Variants in DOCK3 observed in about 807,000 individuals in gnomAD.
DOCK3 encodes dedicator of cytokinesis 3.
DOCK3 carries 60 observed loss-of-function variants against 265.6 expected under a neutral mutation model. The ratio of observed to expected loss-of-function variants is 0.23; its 90% CI spans 0.18 to 0.28. The LOEUF (loss-of-function observed/expected upper bound fraction) is 0.28, where lower values mean the gene tolerates loss of function less well. Ranked by LOEUF, DOCK3 falls within the 10% of genes least tolerant of loss-of-function variation. DOCK3 has a pLI of 1.00. For synonymous variants in DOCK3, 881 were observed against 938.0 expected, an observed-to-expected ratio of 0.94 and a Z score of 1.11; for missense variants, 1,981 against 2,594.3, an observed-to-expected ratio of 0.76 and a Z score of 5.14.
At chr3:51,252,609 A>G (rs1401132057) in intron 22 of DOCK3, among the ~76,000 whole-genome samples, 1 of 152,116 alleles carries the variant, frequency 6.6e-6, no homozygotes, top group Non-Finnish European at 1.5e-5. Flanking sequence ...TAAGTATTTT[A>G]TTCTCTTTGA....
chr3:51,274,641 G>A (rs926381263), intron 24 of DOCK3, among the ~76,000 whole-genome samples: 9 of 151,958 alleles, frequency 5.9e-5, no homozygotes, highest in African/African-American at 1.9e-4. Context: ...TCCGAGTGTG[G>A]TGCCATACAC....
intron 3 of DOCK3, among the ~76,000 whole-genome samples, chr3:50,865,512 A>G (rs1319969388): frequency 6.6e-6 from 1 of 152,210 alleles, no homozygotes; most frequent in Non-Finnish European, 1.5e-5. Context: ...ATAGTACTCC[A>G]TTGTATATGT....
At chr3:51,174,528 C>G (rs199624299) in intron 12 of DOCK3, among the ~76,000 whole-genome samples, 1 of 144,294 alleles carries the variant, frequency 6.9e-6, no homozygotes, top group African/African-American at 2.6e-5. Flanking sequence ...TGCATTATTT[C>G]CTGATTTCTT....
At chr3:50,905,392 G>GA (rs2049433339) in intron 4 of DOCK3, among the ~76,000 whole-genome samples, 1 of 152,098 alleles carries the variant, frequency 6.6e-6, no homozygotes, top group South Asian at 2.1e-4. Flanking sequence ...TCCTATCCAT[G>GA]AGCATGGAAT....
chr3:50,885,729 G>T (rs1198205807), intron 3 of DOCK3, among the ~76,000 whole-genome samples: 3 of 152,166 alleles, frequency 2.0e-5, no homozygotes, highest in Admixed American at 2.0e-4. Context: ...TTACCTACTG[G>T]AGTAGAAGGT....
At chr3:50,729,703 A>G (rs558216604) in intron 1 of DOCK3, among the ~76,000 whole-genome samples, 1 of 151,996 alleles carries the variant, frequency 6.6e-6, no homozygotes, top group African/African-American at 2.4e-5. Flanking sequence ...ATTTTTTTTT[A>G]ATAGATGGGA....
At chr3:51,012,439 C>T (rs2078990033) in intron 5 of DOCK3, among the ~76,000 whole-genome samples, 2 of 152,182 alleles carry the variant, frequency 1.3e-5, no homozygotes, top group South Asian at 2.1e-4. Flanking sequence ...GTGTGGGACC[C>T]TCCAAGCCAG....
intron 1 of DOCK3, among the ~76,000 whole-genome samples, chr3:50,746,183 C>T (rs1386233997): frequency 6.8e-6 from 1 of 147,718 alleles, no homozygotes; most frequent in African/African-American, 2.5e-5. Context: ...AATCTCGGCT[C>T]ACTGCAACCT....
chr3:50,918,800 A>G (rs2050273517), intron 4 of DOCK3, among the ~76,000 whole-genome samples: 2 of 152,298 alleles, frequency 1.3e-5, no homozygotes, highest in South Asian at 2.1e-4. Context: ...TTTTATTGCC[A>G]TTGCTTTTGG....
At chr3:50,918,768 G>C (rs1348667860) in intron 4 of DOCK3, among the ~76,000 whole-genome samples, 1 of 152,136 alleles carries the variant, frequency 6.6e-6, no homozygotes, top group Admixed American at 6.5e-5. Context: ...AGTTTAATTA[G>C]ATCCCATTTG....
intron 9 of DOCK3, among the ~76,000 whole-genome samples, chr3:51,116,663 G>T (rs2109901605): frequency 6.6e-6 from 1 of 152,144 alleles, no homozygotes; most frequent in Admixed American, 6.5e-5. Context: ...AGTTCTCCTT[G>T]TAGAGGTCCT....
At chr3:51,026,623 T>A (rs976587666) in intron 5 of DOCK3, among the ~76,000 whole-genome samples, 1 of 152,112 alleles carries the variant, frequency 6.6e-6, no homozygotes, top group Non-Finnish European at 1.5e-5. Context: ...AAGGCTTTTG[T>A]TGGTTGCTAG....
At chr3:51,373,178 A>T (rs1293677210) in intron 49 of DOCK3, among the ~76,000 whole-genome samples, 1 of 152,192 alleles carries the variant, frequency 6.6e-6, no homozygotes, top group Non-Finnish European at 1.5e-5. Context: ...AAGCTGGCTG[A>T]AGAAGACGTA....
intron 19 of DOCK3, among the ~76,000 whole-genome samples, chr3:51,231,706 G>C (rs886501168): frequency 6.6e-6 from 1 of 152,200 alleles, no homozygotes; most frequent in East Asian, 1.9e-4. Context: ...CATTCTGTAG[G>C]TTGTCTGTTT....
intron 19 of DOCK3, among the ~76,000 whole-genome samples, chr3:51,236,053 T>TA (rs1280947651): frequency 2.6e-5 from 4 of 152,226 alleles, no homozygotes; most frequent in African/African-American, 9.6e-5. Context: ...ATAGGTGTCC[T>TA]ATGGTTTTTA....
intron 4 of DOCK3, among the ~76,000 whole-genome samples, chr3:50,923,674 T>C (rs1278355956): frequency 6.6e-6 from 1 of 152,226 alleles, no homozygotes; most frequent in East Asian, 1.9e-4. Context: ...GAATAATATA[T>C]TATGGACATT....
chr3:51,323,532 A>G (rs1008397919), intron 32 of DOCK3, among the ~76,000 whole-genome samples: 9 of 152,174 alleles, frequency 5.9e-5, no homozygotes, highest in Non-Finnish European at 2.9e-5. Context: ...TAAGAAACTC[A>G]CTCAAAACCG....
chr3:50,927,860 A>G (rs34284887), intron 4 of DOCK3, among the ~76,000 whole-genome samples: 2,856 of 152,228 alleles, frequency 0.019, 49 homozygotes, highest in Non-Finnish European at 0.027. Flanking sequence ...AGAAGGAAAA[A>G]AATAATCCCA....
chr3:50,929,193 TA>T (rs2050927040), intron 4 of DOCK3, among the ~76,000 whole-genome samples: 1 of 152,184 alleles, frequency 6.6e-6, no homozygotes, highest in African/African-American at 2.4e-5. Context: ...AGAAGTGGAT[TA>T]TTTTGTTTCC....
Sources: gnomAD v4.1 joint callset for allele counts (sites outside exome capture counted in the v4.1 genomes callset) on GRCh38, gnomAD v4.1.1 for gene constraint, MANE v1.5 for transcripts, NCBI Gene and HGNC (gene_info 2026-07-23, HGNC 2026-07-21) for gene names.